Variants in THADA observed in about 807,000 individuals in gnomAD.
The protein encoded by THADA is THADA armadillo repeat containing.
A neutral mutation model predicts 219.8 loss-of-function variants in THADA; 213 were observed. That is an observed-to-expected ratio of 0.97 (90% CI 0.87 to 1.09). The LOEUF (loss-of-function observed/expected upper bound fraction) is 1.09, where lower values mean the gene tolerates loss of function less well. Ranked by LOEUF, THADA falls within the 50% of genes least tolerant of loss-of-function variation. The pLI, the probability that THADA is intolerant of heterozygous loss-of-function variation, is 0.00. For missense variants in THADA, 2,956 were observed against 2,311.3 expected (o/e 1.28, Z -5.72); for synonymous variants, 1,018 against 828.9 (o/e 1.23, Z -3.92).
intron 36 of THADA, among the ~76,000 whole-genome samples, chr2:43,246,811 C>T (rs1669202700): frequency 6.6e-6 from 1 of 152,234 alleles, no homozygotes; most frequent in African/African-American, 2.4e-5. Context: ...TCCCCAGCAG[C>T]CTCCCTGGAG....
At chr2:43,560,521 G>A (rs78434813) in intron 15 of THADA, 136 bp from the exon 16 acceptor site, 7,568 of 489,548 alleles carry the variant, frequency 0.015, 87 homozygotes, top group Non-Finnish European at 0.02. Context: ...AGCTAAAACA[G>A]TAACTTTTCC....
At chr2:43,556,828 G>T (rs924535094) in intron 16 of THADA, among the ~76,000 whole-genome samples, 1 of 152,094 alleles carries the variant, frequency 6.6e-6, no homozygotes, top group South Asian at 2.1e-4. Context: ...ACTTTGGAAG[G>T]CCAAGATGGG....
chr2:43,499,429 C>G (rs1039080730), intron 24 of THADA, among the ~76,000 whole-genome samples: 1 of 152,046 alleles, frequency 6.6e-6, no homozygotes, highest in African/African-American at 2.4e-5. Flanking sequence ...CAGGCTGGAA[C>G]AGAATGGCAC....
intron 7 of THADA, 137 bp downstream of exon 7, chr2:43,586,264 C>A: frequency 1.3e-6 from 1 of 753,372 alleles, no homozygotes; most frequent in Non-Finnish European, 2.0e-6. Context: ...GACCCCATCT[C>A]AAAAAAAATA....
chr2:43,522,305 C>G lies in THADA; in HGVS notation c.3374+5574G>C, dbSNP rs532538496. Among the ~76,000 whole-genome samples, 79 of 152,282 alleles carry G rather than the reference C, an allele frequency of 5.2e-4. 1 individual carries two copies. The South Asian group carries it at 0.016, about 31-fold the overall frequency. On this transcript the variant is annotated intron_variant, in intron 22 of 37. Transcript: ENST00000405975. ...GAGAAGCCATCTTAACCTCCCTCAC[C>G]ACTATCATACATTATTGAGGCTTAC...
chr2:43,336,134 C>G (rs1275441801), intron 30 of THADA, among the ~76,000 whole-genome samples: 1 of 151,834 alleles, frequency 6.6e-6, no homozygotes, highest in African/African-American at 2.4e-5. Context: ...GTGGCACACA[C>G]CTATAGTCTC....
chr2:43,322,394 C>A (rs562535706), intron 30 of THADA, among the ~76,000 whole-genome samples: 1 of 151,748 alleles, frequency 6.6e-6, no homozygotes, highest in East Asian at 2.0e-4. Flanking sequence ...TTCCCAGCTA[C>A]TCAGGAAACT....
chr2:43,580,983 TAA>T (rs1379881206), intron 8 of THADA, among the ~76,000 whole-genome samples: 1 of 152,134 alleles, frequency 6.6e-6, no homozygotes, highest in Non-Finnish European at 1.5e-5. Context: ...ACAAGAGCTC[TAA>T]AGAGATCCCA....
At chr2:43,565,757 C>T (rs1193318775) in intron 15 of THADA, 1 of 152,198 alleles carries the variant, frequency 6.6e-6, no homozygotes, top group Non-Finnish European at 1.5e-5. Flanking sequence ...CAAGAAATCC[C>T]ACATTCTAAC....
intron 29 of THADA, among the ~76,000 whole-genome samples, chr2:43,365,484 T>C (rs943634665): frequency 4.0e-5 from 6 of 151,032 alleles, no homozygotes; most frequent in African/African-American, 1.5e-4. Flanking sequence ...GGCAGGAGAA[T>C]TACTCAAACC....
At chr2:43,335,317 G>A (rs965798783) in intron 30 of THADA, among the ~76,000 whole-genome samples, 5 of 152,308 alleles carry the variant, frequency 3.3e-5, no homozygotes, top group East Asian at 1.9e-4. Context: ...GTAAGGTGCC[G>A]GGAGCTAAGC....
intron 29 of THADA, among the ~76,000 whole-genome samples, chr2:43,374,685 T>A (rs1398892653): frequency 6.6e-6 from 1 of 152,144 alleles, no homozygotes; most frequent in Admixed American, 6.5e-5. Context: ...TGGAATGGCA[T>A]AAACCACTAA....
Position 43,508,631 on chromosome 2 carries a change from G to A in THADA, c.3507+17C>T. 6.2e-7 allele frequency: 1 copy of A among 1,610,386 alleles called. No individual in the cohort carries two copies. Reference sequence around the variant, plus strand: ...AGACAAATATAAACAAACAGCTAGGGTCCTACAGATAAATACCTGTATGTA... The same window carrying A: ...AGACAAATATAAACAAACAGCTAGGATCCTACAGATAAATACCTGTATGTA... On this transcript the variant is annotated intron_variant, in intron 23 of 37. Transcript: ENST00000405975.
At position 43,572,861 on chromosome 2, in the gene THADA, C is replaced by A; in HGVS notation, c.1861G>T (p.Val621Leu). 1 of 1,613,872 alleles carries A rather than the reference C, an allele frequency of 6.2e-7. No individual in the cohort carries two copies. Among genetic ancestry groups the A allele is most frequent in the Non-Finnish European group, 8.5e-7 (1 of 1,179,834 alleles). The part of the protein sequence containing the change: ...QSATDTWENL[V>L]SDARIKQGLI... The stretch of plus-strand genomic sequence containing the variant: ...CCTTGCTTTATTCTTGCATCAGACA[C>A]GAGGTTCTCCCAGGTATCAGTTGCA... The change falls in exon 12 of 38, where the codon GTG becomes TTG. Residue 621 changes from valine to leucine, a missense_variant. By Grantham distance (32) the Val-to-Leu change is conservative. Coordinates refer to ENST00000405975, the MANE Select transcript of THADA (RefSeq NM_022065.5).
intron 20 of THADA, among the ~76,000 whole-genome samples, chr2:43,547,053 T>G (rs1397065609): frequency 6.6e-5 from 10 of 151,266 alleles, no homozygotes; most frequent in African/African-American, 2.0e-4. Context: ...AGGAGCTCTT[T>G]TAGGGCAGGC....
At chr2:43,302,858 A>G (rs533879428) in intron 31 of THADA, among the ~76,000 whole-genome samples, 2 of 152,288 alleles carry the variant, frequency 1.3e-5, no homozygotes, top group Admixed American at 1.3e-4. Flanking sequence ...TTGAAGCTAC[A>G]GTGTGCTATA....
In THADA at chr2:43,344,152, C is replaced by G; in HGVS notation, c.4313G>C (p.Cys1438Ser). The change falls in exon 30 of 38, where the codon TGT (cysteine) becomes TCT (serine). Residue 1438 changes from cysteine (C) to serine (S), a missense_variant. By Grantham distance (112) the Cys-to-Ser change is moderately radical (BLOSUM62 -1). Coordinates refer to ENST00000405975, the MANE Select transcript of THADA (RefSeq NM_022065.5). ...FQHELTDITVCTKAKLWLAKR... is the reference protein window; with the variant it reads ...FQHELTDITVSTKAKLWLAKR... ...GGCCAGCCAGAGTTTGGCTTTGGTA[C>G]AAACAGTGATGTCAGTCAGCTCGTG... The G allele has an allele frequency of 1.2e-6, 2 of 1,611,612 alleles. No individual in the cohort carries two copies. The highest frequency in any genetic ancestry group is 1.7e-4 in the Middle Eastern group (1 of 6,060).
At chr2:43,569,548 G>A (rs11902998) in intron 14 of THADA, among the ~76,000 whole-genome samples, 2,120 of 152,232 alleles carry the variant, frequency 0.014, 36 homozygotes, top group African/African-American at 0.045. Flanking sequence ...TTAAAAGGTC[G>A]AAGCTAATTT....
At position 43,485,261 on chromosome 2, in the gene THADA, G is replaced by C; in HGVS notation, c.3809C>G (p.Ala1270Gly). The C allele has an allele frequency of 6.2e-7, 1 of 1,612,616 alleles. No homozygotes were observed. The highest frequency in any genetic ancestry group is 8.5e-7 in the Non-Finnish European group (1 of 1,179,110). Residue 1270 changes from alanine to glycine, a missense_variant, in exon 26 of 38, where the codon GCA (alanine) becomes GGA (glycine). Transcript: ENST00000405975. The part of the protein sequence containing the change: ...LITRIFGVKR[A>G]KDEHSKTNRM... ...ATTTGTTTTGGAATGTTCATCCTTT[G>C]CCCTTTTAACTCCAAAAATTCTTGT...
Sources: gnomAD v4.1 joint callset for allele counts (sites outside exome capture counted in the v4.1 genomes callset) on GRCh38, gnomAD v4.1.1 for gene constraint, MANE v1.5 for transcripts, NCBI Gene and HGNC (gene_info 2026-07-23, HGNC 2026-07-21) for gene names.